Variants in SLCO4A1 observed in about 807,000 individuals in gnomAD.
The protein encoded by SLCO4A1 is solute carrier organic anion transporter family member 4A1, also known as colon organic anion transporter.
Under a neutral mutation model 64.6 loss-of-function variants are expected in SLCO4A1, and 51 were observed. The observed-to-expected ratio is 0.79, with a 90% CI of 0.63 to 1.00. The LOEUF (loss-of-function observed/expected upper bound fraction) is 1.00, where lower values mean the gene tolerates loss of function less well. Among genes scored for constraint, SLCO4A1 ranks in the 50% least tolerant of loss-of-function variants. The pLI is 0.00. For missense variants in SLCO4A1, 919 were observed against 980.5 expected (o/e 0.94, Z 0.84); for synonymous variants, 471 against 444.9 (o/e 1.06, Z -0.74).
intron 4 of SLCO4A1, 147 bp from the exon 5 acceptor site, chr20:62,660,917 C>G (rs1282536611): frequency 6.3e-6 from 4 of 632,876 alleles, no homozygotes; most frequent in Non-Finnish European, 8.3e-6. Flanking sequence ...GTGCCGCCTC[C>G]CCGGGGCTGC....
In SLCO4A1 at chr20:62,661,030, G is replaced by GCCCCCCACCCCCCCC; in HGVS notation, c.1010-29_1010-28insCACCCCCCCCCCCCC. ...AGAAGTCCACCTCCGGGAGCCCCCA[G>GCCCCCCACCCCCCCC]CCCCCAGCCCCAGCTCACTCTGTGC... On this transcript the variant is annotated intron_variant, in intron 4 of 11. Transcript: ENST00000217159. This position sits in a 1 kb window ranked among gnomAD's most constrained non-coding sequence, Gnocchi z 5.2. 1 of 518,136 alleles carries GCCCCCCACCCCCCCC rather than the reference G, an allele frequency of 1.9e-6. No homozygotes were observed. Among genetic ancestry groups the GCCCCCCACCCCCCCC allele is most frequent in the South Asian group, 1.5e-5 (1 of 68,816 alleles). The allele number at this position is 518,136 out of a possible 1,614,324, so 32.1% of individuals were successfully genotyped here.
At chr20:62,671,680 A>T in intron 11 of SLCO4A1, 70 bp from the exon 12 acceptor site, 1 of 1,468,492 alleles carries the variant, frequency 6.8e-7, no homozygotes, top group South Asian at 1.2e-5. Flanking sequence ...CAGGACTGGG[A>T]CAGGCCCACC....
intron 5 of SLCO4A1, among the ~76,000 whole-genome samples, chr20:62,664,702 C>T (rs1274428521): frequency 2.0e-5 from 3 of 152,216 alleles, no homozygotes; most frequent in African/African-American, 4.8e-5. Flanking sequence ...CTGCCTGCAC[C>T]CCACTCTACT....
chr20:62,681,208 A>G (rs1987807185), intron 2 of SLCO4A1, among the ~76,000 whole-genome samples: 2 of 152,218 alleles, frequency 1.3e-5, no homozygotes, highest in South Asian at 2.1e-4. Flanking sequence ...AGTTGAAATA[A>G]TGTTAGACTT....
chr20:62,646,176 C>T (rs1012862537), intron 1 of SLCO4A1, among the ~76,000 whole-genome samples: 8 of 152,130 alleles, frequency 5.3e-5, no homozygotes, highest in Non-Finnish European at 7.4e-5. Flanking sequence ...CCTTTGCTGG[C>T]GGACCTCTGA....
downstream of SLCO4A1, among the ~76,000 whole-genome samples, chr20:62,673,778 C>T (rs1345425182): frequency 9.7e-6 from 1 of 103,004 alleles, no homozygotes; most frequent in East Asian, 2.9e-4. Context: ...GGACGACACC[C>T]TGTAGCACCT....
intron 2 of SLCO4A1, among the ~76,000 whole-genome samples, chr20:62,683,480 G>A (rs2041475531): frequency 6.6e-6 from 1 of 152,180 alleles, no homozygotes; most frequent in South Asian, 2.1e-4. Flanking sequence ...GACGGCGACA[G>A]TGAGGACTGC....
intron 7 of SLCO4A1, 79 bp from the exon 8 acceptor site, chr20:62,667,666 C>T (rs1040020286): frequency 2.7e-6 from 4 of 1,506,274 alleles, no homozygotes; most frequent in Non-Finnish European, 3.6e-6. Context: ...GGGACGAGCC[C>T]CATGGCTGAC....
rs763731511 is a variant in SLCO4A1, at chr20:62,657,163, C to T, written c.709C>T (p.His237Tyr). ...GGTCTTCATGCTGGGCCAGTTCCTG[C>T]ATGGCGTGGGTGCCACACCCCTCTA... Reference protein sequence around the residue: ...QLVFMLGQFLHGVGATPLYTL... With the variant: ...QLVFMLGQFLYGVGATPLYTL... The change falls in exon 2 of 12, where the codon CAT (histidine) becomes TAT (tyrosine). Residue 237 changes from histidine to tyrosine, a missense_variant. Coordinates refer to ENST00000217159, the MANE Select transcript of SLCO4A1 (RefSeq NM_016354.4). 65 of 1,557,886 alleles carry T rather than the reference C, an allele frequency of 4.2e-5. No individual in the cohort carries two copies. The highest frequency in any genetic ancestry group is 5.6e-5 in the Non-Finnish European group (64 of 1,151,944).
chr20:62,681,116 T>A (rs1987804177), intron 2 of SLCO4A1, among the ~76,000 whole-genome samples: 1 of 152,204 alleles, frequency 6.6e-6, no homozygotes, highest in Admixed American at 6.5e-5. Flanking sequence ...GGTCTGTAAC[T>A]CCTGGGCTCA....
At chr20:62,651,953 T>C (rs928581450) in intron 1 of SLCO4A1, 8 of 152,206 alleles carry the variant, frequency 5.3e-5, no homozygotes, top group African/African-American at 1.2e-4. Context: ...TTGCCCACCA[T>C]TGAGCATCCC....
chr20:62,665,304 C>T (rs1985908857), intron 6 of SLCO4A1: 1 of 553,728 alleles, frequency 1.8e-6, no homozygotes, highest in Non-Finnish European at 3.1e-6. Context: ...GTGGGACATG[C>T]TCCGTAGGTG....
At chr20:62,681,775 C>G (rs1178924639) in intron 2 of SLCO4A1, among the ~76,000 whole-genome samples, 2 of 152,186 alleles carry the variant, frequency 1.3e-5, no homozygotes, top group African/African-American at 4.8e-5. Flanking sequence ...TTAGAATTCA[C>G]CAGTGAAGAC....
intron 1 of SLCO4A1, among the ~76,000 whole-genome samples, chr20:62,652,808 C>T (rs998098373): frequency 2.0e-5 from 3 of 152,208 alleles, no homozygotes; most frequent in Non-Finnish European, 2.9e-5. Context: ...CTCTGCTGTC[C>T]GAGGCCTCCA....
In SLCO4A1 at chr20:62,661,474, G is replaced by A. The variant is rs1984862237; in HGVS notation, c.1121+299G>A. Among the ~76,000 whole-genome samples, 1 of 152,092 alleles carries A rather than the reference G, an allele frequency of 6.6e-6. No individual in the cohort carries two copies. The highest frequency in any genetic ancestry group is 1.5e-5 in the Non-Finnish European group (1 of 67,986). ...GTGGAGACTCCTGTGGGCTGCGCCT[G>A]GCTCCCAGTGGCCACGGAGCAAATC... On this transcript the variant is annotated intron_variant, in intron 5 of 11. Coordinates refer to ENST00000217159, the MANE Select transcript of SLCO4A1 (RefSeq NM_016354.4). The surrounding 1 kb of genome is among the most constrained non-coding windows in gnomAD (Gnocchi z 5.2).
rs779282651 is a variant in SLCO4A1, at chr20:62,665,033, C to T, written c.1221C>T (p.Pro407=). 1 of 1,613,954 alleles carries T rather than the reference C, an allele frequency of 6.2e-7. No homozygotes were observed. Among genetic ancestry groups the T allele is most frequent in the South Asian group, 1.1e-5 (1 of 91,066 alleles). Residue 407 remains proline, a synonymous_variant, in exon 6 of 12, where the codon CCC becomes CCT. Coordinates refer to ENST00000217159, the MANE Select transcript of SLCO4A1 (RefSeq NM_016354.4). ...TCACCGGCATGTCCACGTTCAGCCC[C>T]AAGTTCTTGGAGTCCCAGTTCAGCC... is the stretch of plus-strand genomic sequence containing the variant. The part of the protein sequence containing the change: ...TLITGMSTFS[P]KFLESQFSLS...
intron 2 of SLCO4A1, among the ~76,000 whole-genome samples, chr20:62,657,838 C>A (rs1984020743): frequency 6.6e-6 from 1 of 152,220 alleles, no homozygotes; most frequent in Admixed American, 6.5e-5. Flanking sequence ...AGAGTCAGAA[C>A]TTTAAGGGGA....
At chr20:62,666,000 G>T (rs45508897) in intron 6 of SLCO4A1, 233 of 183,156 alleles carry the variant, frequency 1.3e-3, no homozygotes, top group Middle Eastern at 0.011. Flanking sequence ...GGAGGAGGGG[G>T]TGTGGCTGCC....
At chr20:62,668,315 G>A in intron 9 of SLCO4A1, 131 bp downstream of exon 9, 6 of 1,259,216 alleles carry the variant, frequency 4.8e-6, no homozygotes, top group Non-Finnish European at 7.0e-6. Context: ...GTCACTGGTG[G>A]CAGGAGAGAC....
Sources: gnomAD v4.1 joint callset for allele counts (sites outside exome capture counted in the v4.1 genomes callset) on GRCh38, gnomAD v4.1.1 for gene constraint, Gnocchi (gnomAD v3.1) non-coding constraint, MANE v1.5 for transcripts, NCBI Gene and HGNC (gene_info 2026-07-23, HGNC 2026-07-21) for gene names.